DESI2: variants seen among roughly 807,000 people sequenced by gnomAD.
DESI2 encodes the protein deubiquitinase DESI2.
In DESI2, 10 loss-of-function variants were observed where a neutral mutation model predicts 24.1. The ratio of observed to expected loss-of-function variants is 0.41; its 90% CI spans 0.26 to 0.70. The LOEUF (loss-of-function observed/expected upper bound fraction) is 0.70. DESI2 is among the 30% of genes least tolerant of loss of function. The pLI is 0.29. For synonymous variants in DESI2, 71 were observed against 87.7 expected (o/e 0.81, Z 1.06); for missense variants, 122 against 234.9 (o/e 0.52, Z 3.14).
chr1:244,700,023 A>T (rs575343793), intron 4 of DESI2, among the ~76,000 whole-genome samples: 4 of 152,318 alleles, frequency 2.6e-5, no homozygotes, highest in South Asian at 2.1e-4. Flanking sequence ...CATGGAACTG[A>T]CTGTCTTCAG....
At chr1:244,667,117 T>C (rs565059080) in intron 1 of DESI2, among the ~76,000 whole-genome samples, 2 of 152,224 alleles carry the variant, frequency 1.3e-5, no homozygotes, top group East Asian at 1.9e-4. Flanking sequence ...CCAAATCTCA[T>C]GTCCTCACAT....
At chr1:244,694,973 G>C (rs961113177) in intron 4 of DESI2, among the ~76,000 whole-genome samples, 2 of 152,198 alleles carry the variant, frequency 1.3e-5, no homozygotes, top group Non-Finnish European at 2.9e-5. Context: ...TTGAGGAAAC[G>C]TTATCTTACA....
chr1:244,682,333 A>G (rs980646403), intron 1 of DESI2, among the ~76,000 whole-genome samples: 1 of 152,096 alleles, frequency 6.6e-6, no homozygotes, highest in Non-Finnish European at 1.5e-5. Flanking sequence ...TGCATTTACA[A>G]TCCTCTAGCT....
At chr1:244,675,926 GTCT>G (rs1416486374) in intron 1 of DESI2, among the ~76,000 whole-genome samples, 1 of 151,888 alleles carries the variant, frequency 6.6e-6, no homozygotes, top group Admixed American at 6.6e-5. Flanking sequence ...ATTTATTTAG[GTCT>G]TCTTTAATTT....
At chr1:244,662,800 A>G (rs1386867152) in intron 1 of DESI2, among the ~76,000 whole-genome samples, 1 of 152,196 alleles carries the variant, frequency 6.6e-6, no homozygotes, top group Admixed American at 6.5e-5. Flanking sequence ...GAAAGGAGAA[A>G]GTGTTCCAGA....
At chr1:244,705,419 T>C in intron 4 of DESI2, 137 bp from the exon 5 acceptor site, 1 of 654,068 alleles carries the variant, frequency 1.5e-6, no homozygotes, top group Non-Finnish European at 2.7e-6. Flanking sequence ...ATCAAAAGCC[T>C]GGAGTGACAC....
rs913990453 is a variant in DESI2, at chr1:244,658,852, T to C, written c.42+5497T>C. Among the ~76,000 whole-genome samples the C allele has an allele frequency of 4.1e-4, 63 of 152,160 alleles. 1 individual carries two copies. Among genetic ancestry groups the C allele is most frequent in the Non-Finnish European group, 1.0e-4 (7 of 68,034 alleles). ...TGGGACAGAAAAAAATCAAATAGTT[T>C]TCTTTGACAAAACTTAAAATACTAT... is the stretch of plus-strand genomic sequence containing the variant. On this transcript the variant is annotated intron_variant, in intron 1 of 4. Coordinates refer to ENST00000302550, the MANE Select transcript of DESI2 (RefSeq NM_016076.5).
intron 4 of DESI2, among the ~76,000 whole-genome samples, chr1:244,693,844 G>C (rs557382590): frequency 5.6e-4 from 85 of 152,290 alleles, no homozygotes; most frequent in Non-Finnish European, 1.1e-3. Context: ...GGGATAAGGA[G>C]CTATTATAAT....
At chr1:244,656,425 AT>A (rs565823081) in intron 1 of DESI2, 2 of 152,276 alleles carry the variant, frequency 1.3e-5, no homozygotes, top group South Asian at 4.1e-4. Flanking sequence ...AGGTTACTTA[AT>A]TATGCATAGT....
intron 4 of DESI2, among the ~76,000 whole-genome samples, chr1:244,703,873 T>C (rs530104929): frequency 3.9e-5 from 6 of 152,216 alleles, no homozygotes; most frequent in Admixed American, 3.3e-4. Context: ...TTAGCCAGGA[T>C]GGTCTCGATC....
intron 1 of DESI2, among the ~76,000 whole-genome samples, chr1:244,675,240 G>A (rs2813917): frequency 0.97 from 148,321 of 152,248 alleles, 72,383 homozygotes; most frequent in East Asian, 1. Context: ...CTCCCAGGCT[G>A]TGGTTTCCCT....
At chr1:244,696,531 G>A (rs1393371092) in intron 4 of DESI2, among the ~76,000 whole-genome samples, 2 of 152,156 alleles carry the variant, frequency 1.3e-5, no homozygotes, top group Non-Finnish European at 2.9e-5. Context: ...GAGGTAGGAG[G>A]ATGGCTTAAG....
rs1453066063 is a variant in DESI2 at position 244,686,491 on chromosome 1, TC to T, written c.43-105del. On this transcript the variant is annotated intron_variant, in intron 1 of 4. Transcript: ENST00000302550. ...CAGAGACAGGACCACTGGATCGTTA[TC>T]ATGGGAGTTTCAGAGTGAAAGACTG... 12 of 730,144 alleles carry T rather than the reference TC, an allele frequency of 1.6e-5. No homozygotes were observed. In the African/African-American group the frequency reaches 1.9e-4, roughly 12 times the overall value. 45.2% of individuals were successfully genotyped at this position (730,144 alleles called of 1,614,324 possible).
chr1:244,691,332 G>A (rs1213864307), intron 3 of DESI2, among the ~76,000 whole-genome samples: 1 of 152,236 alleles, frequency 6.6e-6, no homozygotes, highest in African/African-American at 2.4e-5. Flanking sequence ...CAGGTGATCT[G>A]CCCACCTCGG....
intron 1 of DESI2, among the ~76,000 whole-genome samples, chr1:244,662,996 A>G (rs1186828045): frequency 6.6e-6 from 1 of 151,270 alleles, no homozygotes; most frequent in Non-Finnish European, 1.5e-5. Flanking sequence ...ATTAGGATAG[A>G]TTCCACAAAA....
chr1:244,657,019 C>T (rs963026603), intron 1 of DESI2, among the ~76,000 whole-genome samples: 2 of 152,208 alleles, frequency 1.3e-5, no homozygotes, highest in Non-Finnish European at 2.9e-5. Context: ...GTGATCCGCC[C>T]GCCTCAGCGT....
chr1:244,690,734 T>G (rs1676996575), intron 3 of DESI2, among the ~76,000 whole-genome samples: 1 of 151,760 alleles, frequency 6.6e-6, no homozygotes, highest in Non-Finnish European at 1.5e-5. Flanking sequence ...AAGTGATATT[T>G]AGAATGTGAG....
intron 1 of DESI2, among the ~76,000 whole-genome samples, chr1:244,669,602 C>T (rs187223031): frequency 6.6e-5 from 10 of 151,952 alleles, no homozygotes; most frequent in East Asian, 2.0e-4. Context: ...TGCCTGAACC[C>T]GGGAGGCAGA....
intron 4 of DESI2, among the ~76,000 whole-genome samples, chr1:244,693,677 C>T (rs983567311): frequency 4.6e-5 from 7 of 152,128 alleles, no homozygotes; most frequent in African/African-American, 1.4e-4. Flanking sequence ...GTGATCCGCC[C>T]GCCTCAGCCT....
Sources: allele counts gnomAD v4.1 joint callset (sites outside exome capture counted in the v4.1 genomes callset), GRCh38; gene constraint gnomAD v4.1.1; transcripts MANE v1.5; gene names NCBI Gene and HGNC (gene_info 2026-07-23, HGNC 2026-07-21).